Variants in STOX2 observed in about 807,000 individuals in gnomAD.
STOX2 encodes the protein storkhead box 2, also known as storkhead-box protein 2.
A neutral mutation model predicts 60.9 loss-of-function variants in STOX2; 28 were observed. The observed-to-expected ratio is 0.46, with a 90% confidence interval of 0.34 to 0.63. STOX2 has a LOEUF of 0.63. Ranked by LOEUF, STOX2 falls within the 30% of genes least tolerant of loss-of-function variation. The pLI is 0.01. For missense variants in STOX2, 1,024 were observed against 1,187.7 expected (o/e 0.86, Z 2.03); for synonymous variants, 472 against 463.9 (o/e 1.02, Z -0.22).
chr4:183,919,449 G>C (rs1256132694), intron 1 of STOX2, among the ~76,000 whole-genome samples: 1 of 152,180 alleles, frequency 6.6e-6, no homozygotes, highest in Non-Finnish European at 1.5e-5. Context: ...GGAGGTGTCT[G>C]TTAAGCTCGG....
chr4:183,929,399 T>G (rs1742345065), intron 1 of STOX2, among the ~76,000 whole-genome samples: 1 of 152,210 alleles, frequency 6.6e-6, no homozygotes, highest in Admixed American at 6.5e-5. Context: ...ACGGCCTAGG[T>G]CTGGAGGTTT....
intron 1 of STOX2, among the ~76,000 whole-genome samples, chr4:183,850,438 A>T (rs924081297): frequency 6.6e-6 from 1 of 152,100 alleles, no homozygotes; most frequent in Non-Finnish European, 1.5e-5. Context: ...TTTTAAAAAA[A>T]GTCAAAAGGG....
At chr4:183,820,587 G>C (rs912920400) in intron 1 of STOX2, among the ~76,000 whole-genome samples, 2 of 152,144 alleles carry the variant, frequency 1.3e-5, no homozygotes, top group Admixed American at 6.5e-5. Flanking sequence ...TTTGAGTTTT[G>C]AGTAAATTTC....
In STOX2 at chr4:183,821,829, C is replaced by G. The variant is rs1195832704; in HGVS notation, c.364+23774C>G. Among the ~76,000 whole-genome samples, 1 of 152,232 alleles carries G rather than the reference C, an allele frequency of 6.6e-6. No homozygotes were observed. The highest frequency in any genetic ancestry group is 1.5e-5 in the Non-Finnish European group (1 of 68,046). On this transcript the variant is annotated intron_variant, in intron 1 of 2. Coordinates refer to the STOX2 transcript ENST00000513034. This position sits in a 1 kb window ranked among gnomAD's most constrained non-coding sequence, Gnocchi z 4.2. ...CTGCCGGGCTGCATTCTGACCCCTG[C>G]CCCAGGTTTGTGAGTCTGTAGGGTG...
chr4:183,959,422 A>G (rs1380084413), intron 1 of STOX2, among the ~76,000 whole-genome samples: 2 of 152,160 alleles, frequency 1.3e-5, no homozygotes, highest in East Asian at 1.9e-4. Flanking sequence ...TGCTTTGGTA[A>G]ACAAAAGCTG....
chr4:184,010,142 C>A lies in STOX2; in HGVS notation c.1304C>A (p.Pro435His). Residue 435 changes from proline (P) to histidine (H), a missense_variant, in exon 3 of 4, where the codon CCC becomes CAC. Around this residue, in one of 3 missense-constraint regions of STOX2, gnomAD observed 922 missense variants for 1,058.3 expected, o/e 0.87. Coordinates refer to ENST00000308497, the MANE Select transcript of STOX2 (RefSeq NM_020225.3). This position sits in a 1 kb window ranked among gnomAD's most constrained non-coding sequence, Gnocchi z 4.5. Reference sequence around the variant, plus strand: ...ACAAACGTGCTCGAGTCCCACTTCCCCATGACACCAGAATGGGATGTGTCT... The same window carrying A: ...ACAAACGTGCTCGAGTCCCACTTCCACATGACACCAGAATGGGATGTGTCT... ...SNTNVLESHF[P>H]MTPEWDVSGE... The A allele has an allele frequency of 6.4e-7, 1 of 1,567,092 alleles. No homozygotes were observed. The highest frequency in any genetic ancestry group is 2.4e-5 in the East Asian group (1 of 42,230).
intron 1 of STOX2, among the ~76,000 whole-genome samples, chr4:183,964,213 A>G (rs1368797314): frequency 6.6e-6 from 1 of 152,244 alleles, no homozygotes; most frequent in Non-Finnish European, 1.5e-5. Flanking sequence ...AAACTTTGCA[A>G]GTCACTTCAG....
chr4:183,948,157 G>T (rs1489005528), intron 1 of STOX2, among the ~76,000 whole-genome samples: 3 of 130,162 alleles, frequency 2.3e-5, no homozygotes, highest in African/African-American at 8.4e-5. Context: ...GGTGGAGGTT[G>T]CAGTGAGCCG....
At chr4:183,853,276 A>G (rs1356972886) in intron 1 of STOX2, among the ~76,000 whole-genome samples, 1 of 152,196 alleles carries the variant, frequency 6.6e-6, no homozygotes. Flanking sequence ...GTCAGGTGAC[A>G]GTGTTTGGAG....
intron 1 of STOX2, among the ~76,000 whole-genome samples, chr4:183,817,479 A>G (rs1314270222): frequency 6.6e-6 from 1 of 152,240 alleles, no homozygotes; most frequent in Non-Finnish European, 1.5e-5. Flanking sequence ...AATTGTTTGT[A>G]CTTAAGAAAA....
intron 1 of STOX2, among the ~76,000 whole-genome samples, chr4:183,954,281 T>TTTTTTGTTTTTGTTTTTG (rs6148836): frequency 6.6e-5 from 10 of 150,828 alleles, no homozygotes; most frequent in Non-Finnish European, 1.0e-4. Context: ...GGTTTTTTTG[T>TTTTTTGTTTTTGTTTTTG]TTTTTGTTTT....
At chr4:183,893,958 C>T (rs796931545) in intron 1 of STOX2, among the ~76,000 whole-genome samples, 9 of 152,322 alleles carry the variant, frequency 5.9e-5, no homozygotes, top group African/African-American at 2.2e-4. Flanking sequence ...TTGAGACCAG[C>T]TCGGGCAACA....
chr4:183,803,074 G>A (rs1274131642), intron 1 of STOX2, among the ~76,000 whole-genome samples: 1 of 152,182 alleles, frequency 6.6e-6, no homozygotes, highest in Non-Finnish European at 1.5e-5. Flanking sequence ...CACATCTTAC[G>A]TGGATGGCAG....
At chr4:183,995,222 C>T (rs1274076548) in intron 1 of STOX2, among the ~76,000 whole-genome samples, 2 of 150,000 alleles carry the variant, frequency 1.3e-5, no homozygotes, top group African/African-American at 4.9e-5. Flanking sequence ...CTGAGAAGTT[C>T]CTGGAACCTC....
At chr4:184,000,132 C>T (rs1246187828) in intron 1 of STOX2, among the ~76,000 whole-genome samples, 1 of 152,026 alleles carries the variant, frequency 6.6e-6, no homozygotes, top group Non-Finnish European at 1.5e-5. Flanking sequence ...CAGGTGGCAC[C>T]CAGGTGTCAG....
chr4:184,008,052 A>G (rs780913713), intron 2 of STOX2, among the ~76,000 whole-genome samples: 5 of 152,148 alleles, frequency 3.3e-5, no homozygotes, highest in Non-Finnish European at 7.3e-5. Flanking sequence ...TTTAGTCTCC[A>G]CCTTACACTG....
intron 1 of STOX2, among the ~76,000 whole-genome samples, chr4:183,807,180 G>A (rs1738920379): frequency 6.6e-6 from 1 of 152,092 alleles, no homozygotes. Context: ...CACCGCGTTA[G>A]CCATGATGGT....
chr4:183,955,759 G>GT (rs796429215), intron 1 of STOX2, among the ~76,000 whole-genome samples: 6,401 of 148,522 alleles, frequency 0.043, 430 homozygotes, highest in African/African-American at 0.14. Flanking sequence ...CTTCTTTAAA[G>GT]TTTTTTTTTT....
intron 1 of STOX2, among the ~76,000 whole-genome samples, chr4:183,860,661 G>A (rs536414113): frequency 5.3e-5 from 8 of 152,156 alleles, no homozygotes; most frequent in Non-Finnish European, 8.8e-5. Context: ...CGTGGCAGAG[G>A]GAGATGCTAT....
Sources: gnomAD v4.1 joint callset for allele counts (sites outside exome capture counted in the v4.1 genomes callset) on GRCh38, gnomAD v4.1.1 for gene constraint, gnomAD v4.1.1 regional missense constraint, Gnocchi (gnomAD v3.1) non-coding constraint, MANE v1.5 for transcripts, NCBI Gene and HGNC (gene_info 2026-07-23, HGNC 2026-07-21) for gene names.